The following PARP8 variants were observed in gnomAD, a reference collection of about 807,000 sequenced individuals.
PARP8 encodes the protein poly(ADP-ribose) polymerase family member 8, also known as protein mono-ADP-ribosyltransferase PARP8.
A neutral mutation model predicts 124.1 loss-of-function variants in PARP8; 51 were observed. The ratio of observed to expected loss-of-function variants is 0.41; its 90% CI spans 0.33 to 0.52. PARP8 has a LOEUF of 0.52. Ranked by LOEUF, PARP8 falls within the 20% of genes least tolerant of loss-of-function variation. The probability of loss-of-function intolerance (pLI) is 0.21; values close to 1 mark genes in which losing one functional copy is unlikely to be tolerated. For synonymous variants in PARP8, 391 were observed against 361.5 expected, an observed-to-expected ratio of 1.08 and a Z score of -0.93; for missense variants, 860 against 1,018.9, an observed-to-expected ratio of 0.84 and a Z score of 2.12.
intron 10 of PARP8, among the ~76,000 whole-genome samples, chr5:50,791,756 G>T (rs1741983377): frequency 6.6e-6 from 1 of 152,064 alleles, no homozygotes; most frequent in Non-Finnish European, 1.5e-5. Flanking sequence ...GGAAAATATT[G>T]CAGATCTTCA....
At chr5:50,771,446 A>T (rs1761620631) in intron 7 of PARP8, among the ~76,000 whole-genome samples, 1 of 152,240 alleles carries the variant, frequency 6.6e-6, no homozygotes, top group African/African-American at 2.4e-5. Context: ...GGCGTGAGCC[A>T]CTGCGCCCAA....
intron 3 of PARP8, among the ~76,000 whole-genome samples, chr5:50,757,890 C>T (rs1760136391): frequency 6.6e-6 from 1 of 151,920 alleles, no homozygotes; most frequent in Non-Finnish European, 1.5e-5. Context: ...CTGGATCTTC[C>T]CTTCTACTTG....
chr5:50,821,998 A>G (rs561094800), intron 16 of PARP8, among the ~76,000 whole-genome samples: 2 of 152,144 alleles, frequency 1.3e-5, no homozygotes, highest in Non-Finnish European at 2.9e-5. Context: ...GGGTTTTTGT[A>G]TTTTAGGATT....
intron 2 of PARP8, among the ~76,000 whole-genome samples, chr5:50,693,479 A>G (rs1040545112): frequency 6.6e-6 from 1 of 152,166 alleles, no homozygotes; most frequent in Admixed American, 6.6e-5. Flanking sequence ...CTAGGGCAAT[A>G]TAGACTAATT....
intron 2 of PARP8, among the ~76,000 whole-genome samples, chr5:50,670,383 C>A (rs1359644552): frequency 1.3e-5 from 2 of 152,182 alleles, no homozygotes; most frequent in African/African-American, 4.8e-5. Context: ...ATAAAACTTA[C>A]TATACCGTTT....
intron 7 of PARP8, among the ~76,000 whole-genome samples, chr5:50,775,818 A>G (rs1172192021): frequency 1.3e-5 from 2 of 152,186 alleles, no homozygotes; most frequent in Middle Eastern, 3.4e-3. Flanking sequence ...AGTTTTTTAT[A>G]TATACGATCA....
intron 2 of PARP8, among the ~76,000 whole-genome samples, chr5:50,694,772 G>A (rs1408447633): frequency 3.3e-5 from 5 of 152,192 alleles, no homozygotes; most frequent in African/African-American, 1.2e-4. Context: ...AAGCTGAGGA[G>A]CAAGGAAGCC....
At chr5:50,668,853 A>G (rs1749672229) in intron 2 of PARP8, 1 of 152,242 alleles carries the variant, frequency 6.6e-6, no homozygotes, top group Non-Finnish European at 1.5e-5. Flanking sequence ...CTTTAGGGAC[A>G]CAGTAGTTTA....
chr5:50,785,111 C>A (rs948222239), intron 9 of PARP8, among the ~76,000 whole-genome samples: 8 of 151,580 alleles, frequency 5.3e-5, no homozygotes, highest in African/African-American at 1.9e-4. Context: ...TTACAAATTG[C>A]GAATTTTGGA....
At chr5:50,667,806 G>C (rs1035216391) in intron 1 of PARP8, 2 of 1,021,302 alleles carry the variant, frequency 2.0e-6, no homozygotes, top group Admixed American at 4.0e-5. Flanking sequence ...CCCGGCTGAG[G>C]CTGCTTCCGG....
At chr5:50,698,897 C>T (rs1753304941) in intron 2 of PARP8, among the ~76,000 whole-genome samples, 1 of 152,146 alleles carries the variant, frequency 6.6e-6, no homozygotes. Context: ...TATTCAAGAC[C>T]TGTTTCCCTT....
chr5:50,793,818 T>C (rs1352781933), intron 10 of PARP8, among the ~76,000 whole-genome samples: 1 of 152,068 alleles, frequency 6.6e-6, no homozygotes, highest in Admixed American at 6.6e-5. Flanking sequence ...TTCTTAAAAG[T>C]TGATTTTCTA....
At chr5:50,705,315 TTGG>T in intron 2 of PARP8, among the ~76,000 whole-genome samples, 1 of 152,086 alleles carries the variant, frequency 6.6e-6, no homozygotes, top group East Asian at 1.9e-4. Context: ...CTGACAAAAA[TTGG>T]TGGGCAAAGA....
intron 2 of PARP8, among the ~76,000 whole-genome samples, chr5:50,720,733 A>G (rs1258504396): frequency 3.5e-5 from 1 of 28,556 alleles, no homozygotes; most frequent in Non-Finnish European, 7.7e-5. Flanking sequence ...AACTAGTAGT[A>G]ACTGCCATAC....
intron 2 of PARP8, among the ~76,000 whole-genome samples, chr5:50,698,161 C>T (rs1367959087): frequency 4.6e-5 from 7 of 152,114 alleles, no homozygotes; most frequent in Admixed American, 1.3e-4. Context: ...ATTTCTCAGT[C>T]GAATACACGA....
At chr5:50,767,502 A>G (rs1321694578) in intron 7 of PARP8, among the ~76,000 whole-genome samples, 1 of 152,202 alleles carries the variant, frequency 6.6e-6, no homozygotes, top group African/African-American at 2.4e-5. Flanking sequence ...GATCCTAGAC[A>G]CTAACCACTA....
At chr5:50,763,363 G>T in intron 7 of PARP8, 121 bp downstream of exon 7, 2 of 697,660 alleles carry the variant, frequency 2.9e-6, no homozygotes, top group Non-Finnish European at 2.4e-6. Context: ...GTTTTAGAAA[G>T]AGTCTACTGT....
chr5:50,714,186 C>A (rs1755065466), intron 2 of PARP8, among the ~76,000 whole-genome samples: 1 of 151,380 alleles, frequency 6.6e-6, no homozygotes, highest in Non-Finnish European at 1.5e-5. Context: ...TGGGAAGAGC[C>A]CCACATTTTC....
chr5:50,668,311 A>T (rs926649098), intron 2 of PARP8, 186 bp downstream of exon 2: 17 of 613,012 alleles, frequency 2.8e-5, no homozygotes, highest in African/African-American at 5.6e-5. Context: ...TCAATGTTTG[A>T]TTCAGGTGTT....
Sources: allele counts gnomAD v4.1 joint callset (sites outside exome capture counted in the v4.1 genomes callset), GRCh38; gene constraint gnomAD v4.1.1; transcripts MANE v1.5; gene names NCBI Gene and HGNC (gene_info 2026-07-23, HGNC 2026-07-21).